The following MYO16 variants were observed in gnomAD, a reference collection of about 807,000 sequenced individuals.
MYO16 encodes the protein unconventional myosin-XVI.
A neutral mutation model predicts 205.3 loss-of-function variants in MYO16; 94 were observed. The ratio of observed to expected loss-of-function variants is 0.46; its 90% CI spans 0.39 to 0.54. MYO16 has a LOEUF of 0.54. Ranked by LOEUF, MYO16 falls within the 20% of genes least tolerant of loss-of-function variation. MYO16 has a pLI of 0.00. For missense variants in MYO16, 2,315 were observed against 2,387.5 expected (o/e 0.97, Z 0.63); for synonymous variants, 988 against 954.0 (o/e 1.04, Z -0.66).
chr13:108,885,952 A>G (rs980996515), intron 13 of MYO16, among the ~76,000 whole-genome samples: 2 of 151,932 alleles, frequency 1.3e-5, no homozygotes, highest in Non-Finnish European at 1.5e-5. Context: ...CTTTTTATCC[A>G]GTATATATTC....
chr13:108,518,924 C>A, the MYO16 span, among the ~76,000 whole-genome samples: 1 of 152,066 alleles, frequency 6.6e-6, no homozygotes, highest in African/African-American at 2.4e-5. Context: ...TCTAAGATAA[C>A]TTAATGGAAT....
chr13:108,528,790 C>G, the MYO16 span, among the ~76,000 whole-genome samples: 3 of 146,160 alleles, frequency 2.1e-5, no homozygotes, highest in Admixed American at 7.0e-5. Flanking sequence ...TCCCTCTTCT[C>G]TCTTCTCTCT....
At chr13:109,193,560 T>C (rs1178378731) in intron 34 of MYO16, among the ~76,000 whole-genome samples, 1 of 152,216 alleles carries the variant, frequency 6.6e-6, no homozygotes, top group Non-Finnish European at 1.5e-5. Context: ...AACATGATTA[T>C]TTCTGGAAAA....
At chr13:108,631,429 C>T (rs188155678) in intron 1 of MYO16, among the ~76,000 whole-genome samples, 197 of 152,194 alleles carry the variant, frequency 1.3e-3, no homozygotes, top group African/African-American at 3.9e-3. Flanking sequence ...TGTAGAATTT[C>T]GGAAAATTGT....
chr13:109,184,593 GT>G (rs869054350), intron 34 of MYO16, among the ~76,000 whole-genome samples: 1 of 147,882 alleles, frequency 6.8e-6, no homozygotes, highest in African/African-American at 2.6e-5. Flanking sequence ...TAGTGACTAT[GT>G]TTTTTTTTGT....
intron 4 of MYO16, among the ~76,000 whole-genome samples, chr13:108,771,252 C>A (rs188300454): frequency 1.2e-4 from 18 of 152,160 alleles, no homozygotes; most frequent in Admixed American, 7.2e-4. Flanking sequence ...AAATTTGCTA[C>A]GGAGAGAGAA....
chr13:108,983,609 T>C (rs79818148), intron 20 of MYO16, among the ~76,000 whole-genome samples: 3,388 of 152,276 alleles, frequency 0.022, 127 homozygotes, highest in African/African-American at 0.078. Flanking sequence ...GCTATGTGCC[T>C]TCGGAGACTG....
intron 27 of MYO16, among the ~76,000 whole-genome samples, chr13:109,072,606 C>T (rs901830694): frequency 2.7e-4 from 41 of 152,096 alleles, no homozygotes; most frequent in African/African-American, 9.6e-4. Context: ...CACACACTCA[C>T]ACACTCTCAC....
intron 29 of MYO16, among the ~76,000 whole-genome samples, chr13:109,123,268 A>G (rs937530834): frequency 6.6e-6 from 1 of 152,212 alleles, no homozygotes; most frequent in Non-Finnish European, 1.5e-5. Flanking sequence ...TGAGAAAATG[A>G]GGTCTTCCGG....
At position 109,014,744 on chromosome 13, in the gene MYO16, T is replaced by C. The variant is rs1328612882; in HGVS notation, c.2596-4967T>C. On this transcript the variant is annotated intron_variant, in intron 22 of 34. Coordinates refer to ENST00000457511, the MANE Select transcript of MYO16 (RefSeq NM_001198950.3). Reference sequence around the variant, plus strand: ...CTTTGTAGCAATTGTGAATGGGAGTTCACTCATGATTTGGCTCTCTGTTTG... The same window carrying C: ...CTTTGTAGCAATTGTGAATGGGAGTCCACTCATGATTTGGCTCTCTGTTTG... 2.4e-4 allele frequency among the ~76,000 whole-genome samples: 37 copies of C among 152,200 alleles called. 1 individual carries two copies. Among genetic ancestry groups the C allele is most frequent in the Admixed American group, 2.4e-3 (37 of 15,276 alleles).
At chr13:108,745,456 C>A (rs1469173984) in intron 4 of MYO16, among the ~76,000 whole-genome samples, 6 of 151,986 alleles carry the variant, frequency 3.9e-5, no homozygotes, top group African/African-American at 1.5e-4. Context: ...AGATGTTTTG[C>A]AGAGAAGTAC....
At chr13:108,619,953 A>T (rs1160540665) in intron 1 of MYO16, among the ~76,000 whole-genome samples, 1 of 152,090 alleles carries the variant, frequency 6.6e-6, no homozygotes. Context: ...AGCCTAAACC[A>T]CCTAGCAGGA....
At chr13:108,609,319 G>A (rs1302654829) in intron 1 of MYO16, among the ~76,000 whole-genome samples, 1 of 152,116 alleles carries the variant, frequency 6.6e-6, no homozygotes, top group Non-Finnish European at 1.5e-5. Context: ...AGGGGGCTTC[G>A]GAAAAAGGGA....
At chr13:108,754,515 C>T (rs71435292) in intron 4 of MYO16, among the ~76,000 whole-genome samples, 23,716 of 150,556 alleles carry the variant, frequency 0.16, 2,087 homozygotes, top group Non-Finnish European at 0.21. Flanking sequence ...CAGGTTTTGG[C>T]GTGTGTGTGT....
intron 23 of MYO16, chr13:109,028,478 T>G (rs1421613435): frequency 4.5e-6 from 1 of 223,832 alleles, no homozygotes; most frequent in African/African-American, 2.4e-5. Context: ...ATATATTCTT[T>G]ACCATTTAGT....
chr13:108,781,575 A>G (rs574154125), intron 4 of MYO16, among the ~76,000 whole-genome samples: 108 of 152,270 alleles, frequency 7.1e-4, no homozygotes, highest in Non-Finnish European at 1.8e-4. Context: ...TTAGCGAGCC[A>G]AGCTTGGCCC....
At chr13:109,123,167 T>C (rs963952007) in intron 29 of MYO16, among the ~76,000 whole-genome samples, 2 of 152,200 alleles carry the variant, frequency 1.3e-5, no homozygotes, top group Non-Finnish European at 2.9e-5. Context: ...GGCAATTTTA[T>C]TTTTACCAGT....
At chr13:108,627,231 GT>G (rs577730075), upstream of MYO16, among the ~76,000 whole-genome samples, 725 of 152,144 alleles carry the variant, frequency 4.8e-3, 4 homozygotes, top group Non-Finnish European at 8.0e-3. Flanking sequence ...TTCTACCAAT[GT>G]TTAGAGCATG....
intron 29 of MYO16, among the ~76,000 whole-genome samples, chr13:109,121,209 TC>T: frequency 6.6e-6 from 1 of 152,290 alleles, no homozygotes; most frequent in East Asian, 1.9e-4. Context: ...TCTTGGCTGT[TC>T]CAGGCCTGTC....
Sources: gnomAD v4.1 joint callset for allele counts (sites outside exome capture counted in the v4.1 genomes callset) on GRCh38, gnomAD v4.1.1 for gene constraint, MANE v1.5 for transcripts, NCBI Gene and HGNC (gene_info 2026-07-23, HGNC 2026-07-21) for gene names.